The following ALPK3 variants were observed in gnomAD, a reference collection of about 807,000 sequenced individuals.
The protein encoded by ALPK3 is alpha kinase 3, also known as alpha-protein kinase 3.
ALPK3 carries 102 observed loss-of-function variants against 140.0 expected under a neutral mutation model. That is an observed-to-expected ratio of 0.73 (90% CI 0.62 to 0.86). The LOEUF (loss-of-function observed/expected upper bound fraction) is 0.86, where lower values mean the gene tolerates loss of function less well. Ranked by LOEUF, ALPK3 falls within the 40% of genes least tolerant of loss-of-function variation. ALPK3 has a pLI of 0.00. For synonymous variants in ALPK3, 938 were observed against 898.5 expected (o/e 1.04, Z -0.79); for missense variants, 2,254 against 2,208.2 (o/e 1.02, Z -0.42).
rs1596156206 is a variant in ALPK3 at position 84,858,415 on chromosome 15, T to A, written c.3677T>A (p.Val1226Glu). 1.3e-6 allele frequency: 2 copies of A among 1,558,122 alleles called. No homozygotes were observed. The change falls in exon 6 of 14, where the codon GTG becomes GAG. Residue 1226 changes from valine (V) to glutamate (E), a missense_variant. Physicochemically the swap from Val to Glu is moderately radical, Grantham distance 121. This residue lies in a region of ALPK3 where 2,088 missense variants were observed against 2,022.9 expected (regional missense o/e 1.03). Coordinates refer to ENST00000258888, the MANE Select transcript of ALPK3 (RefSeq NM_020778.5). The stretch of plus-strand genomic sequence containing the variant: ...GGCAGAAAGGCGAGCATGCTGGAGG[T>A]GCCTCGGGCAGAGGAGGAGCTGGCG... ...TQGRKASMLE[V>E]PRAEEELAAG...
chr15:84,861,810 T>C (rs960503578), intron 9 of ALPK3, among the ~76,000 whole-genome samples: 5 of 152,164 alleles, frequency 3.3e-5, no homozygotes, highest in Non-Finnish European at 7.3e-5. Flanking sequence ...CCGTTTTCCA[T>C]AGGTGACCAG....
intron 4 of ALPK3, among the ~76,000 whole-genome samples, 178 bp from the exon 5 acceptor site, chr15:84,839,524 C>T (rs1002027675): frequency 6.6e-6 from 1 of 152,140 alleles, no homozygotes; most frequent in Admixed American, 6.5e-5. Flanking sequence ...AGCCTCAGTT[C>T]CCTCAGCTGT....
intron 3 of ALPK3, among the ~76,000 whole-genome samples, chr15:84,834,612 AT>A (rs1346656323): frequency 2.0e-5 from 3 of 152,250 alleles, no homozygotes; most frequent in African/African-American, 7.2e-5. Flanking sequence ...ATTTCCATTC[AT>A]TATTCTTTTG....
chr15:84,839,188 A>C (rs1963628790), intron 4 of ALPK3, 91 bp downstream of exon 4: 1 of 1,099,086 alleles, frequency 9.1e-7, no homozygotes, highest in Non-Finnish European at 1.3e-6. Flanking sequence ...GTCTGGATGG[A>C]GATGCCCAGG....
At chr15:84,849,067 G>A (rs306209) in intron 5 of ALPK3, among the ~76,000 whole-genome samples, 30,223 of 151,900 alleles carry the variant, frequency 0.2, 3,808 homozygotes, top group Middle Eastern at 0.34. Flanking sequence ...ACTTGAACCC[G>A]GGAGGTGGAG....
intron 5 of ALPK3, among the ~76,000 whole-genome samples, chr15:84,847,209 GAGAGAGA>G: frequency 2.2e-4 from 1 of 4,500 alleles, no homozygotes; most frequent in Non-Finnish European, 5.6e-4. Context: ...GAGAAACGGG[GAGAGAGA>G]GAGAGAGAGA....
In ALPK3 at chr15:84,860,041, G is replaced by T; in HGVS notation, c.4098G>T (p.Leu1366Phe). 1 of 1,614,124 alleles carries T rather than the reference G, an allele frequency of 6.2e-7. No individual in the cohort carries two copies. Residue 1366 changes from leucine to phenylalanine, a missense_variant, in exon 9 of 14, where the codon TTG becomes TTT. By Grantham distance (22) the Leu-to-Phe change is conservative (BLOSUM62 0). Coordinates refer to ENST00000258888, the MANE Select transcript of ALPK3 (RefSeq NM_020778.5). ...TTCTTCTTTTTCTGTATCTAGTGTT[G>T]TCAGGATTCATCTCCAGAGAAGAAG... ...STDFCLSPEV[L>F]SGFISREEGE...
Position 84,827,550 on chromosome 15 carries a change from C to T in ALPK3, c.249C>T (p.Leu83=). Residue 83 remains leucine (L), a synonymous_variant, in exon 3 of 14, where the codon CTC becomes CTT. Coordinates refer to ENST00000258888, the MANE Select transcript of ALPK3 (RefSeq NM_020778.5). ...CCCAGCCGCTATTTGAGACCACGCTCAAGTCCCGGTCTGTGTCCGAGGACA... is the reference window on the plus strand; with the variant it reads ...CCCAGCCGCTATTTGAGACCACGCTTAAGTCCCGGTCTGTGTCCGAGGACA... The part of the protein sequence containing the change: ...EETQPLFETT[L]KSRSVSEDSD... 2 of 1,614,226 alleles carry T rather than the reference C, an allele frequency of 1.2e-6. No homozygotes were observed. The highest frequency in any genetic ancestry group is 1.7e-6 in the Non-Finnish European group (2 of 1,180,034).
At chr15:84,818,026 G>A (rs1963381897) in intron 1 of ALPK3, among the ~76,000 whole-genome samples, 4 of 152,184 alleles carry the variant, frequency 2.6e-5, no homozygotes, top group Admixed American at 2.0e-4. Flanking sequence ...GGGCTGCCCA[G>A]AGTAGGAGCT....
At chr15:84,848,349 A>G (rs939087914) in intron 5 of ALPK3, among the ~76,000 whole-genome samples, 1 of 152,190 alleles carries the variant, frequency 6.6e-6, no homozygotes, top group Non-Finnish European at 1.5e-5. Flanking sequence ...GACCTATATG[A>G]TGGTGAGATT....
In ALPK3 at chr15:84,817,537, G is replaced by A; in HGVS notation, c.85G>A (p.Val29Met). The A allele has an allele frequency of 1.3e-6, 2 of 1,500,226 alleles. No individual in the cohort carries two copies. The highest frequency in any genetic ancestry group is 2.1e-5 in the Admixed American group (1 of 47,980). 92.9% of individuals were successfully genotyped at this position (1,500,226 alleles called of 1,614,324 possible). A position where few individuals can be genotyped will look rare whatever the true frequency, so the allele number is the denominator to read the frequency against. The change falls in exon 1 of 14, where the codon GTG (valine) becomes ATG (methionine). Residue 29 changes from valine (V) to methionine (M), a missense_variant. Around this residue, in one of 3 missense-constraint regions of ALPK3, gnomAD observed 2,088 missense variants for 2,022.9 expected, o/e 1.03. Transcript: ENST00000258888. ...GGGCGACGGTGAGGACGACGGCCCC[G>A]TGTGGATCCCCAGCCCAGCCAGCCG... The part of the protein sequence containing the change: ...AGGDGEDDGP[V>M]WIPSPASRSY...
intron 10 of ALPK3, among the ~76,000 whole-genome samples, chr15:84,863,127 G>A (rs1963967819): frequency 1.3e-5 from 2 of 151,970 alleles, no homozygotes; most frequent in African/African-American, 4.8e-5. Flanking sequence ...AAAACGACTT[G>A]GGCCATAGTT....
chr15:84,840,690 AC>A lies in ALPK3; in HGVS notation c.1417del (p.Gln473SerfsTer30), dbSNP rs769139957. ...GAPGQPTHSL[T>X]PQPTRPFNRK... ...TCCTGGCCAGCCCACACACTCCTTG[AC>A]CCCCCAGCCGACTAGGCCTTTCAAC... On this transcript the variant is annotated frameshift_variant, in exon 5 of 14. Transcript: ENST00000258888. LOFTEE classifies it high-confidence loss of function. The A allele has an allele frequency of 6.2e-6, 10 of 1,606,618 alleles. No homozygotes were observed. Among genetic ancestry groups the A allele is most frequent in the East Asian group, 2.2e-5 (1 of 44,840 alleles).
chr15:84,828,304 G>A (rs1963511340), intron 3 of ALPK3, among the ~76,000 whole-genome samples: 3 of 152,204 alleles, frequency 2.0e-5, no homozygotes, highest in Admixed American at 2.0e-4. Context: ...CCGTTTGGCA[G>A]AATAGGAAGC....
intron 3 of ALPK3, among the ~76,000 whole-genome samples, chr15:84,836,848 G>A (rs563357625): frequency 2.0e-5 from 3 of 152,284 alleles, no homozygotes; most frequent in Admixed American, 6.5e-5. Flanking sequence ...AATGGAAAAT[G>A]GTTCTGGGGC....
chr15:84,856,465 T>C lies in ALPK3; in HGVS notation c.1727T>C (p.Val576Ala), dbSNP rs1963862068. Residue 576 changes from valine to alanine, a missense_variant, in exon 6 of 14, where the codon GTT becomes GCT. Coordinates refer to ENST00000258888, the MANE Select transcript of ALPK3 (RefSeq NM_020778.5). Reference sequence around the variant, plus strand: ...AGCTCTGATGTAGCCTCCATTGGGGTTAGCACTTCCGGAAGTCAAGGTATC... The same window carrying C: ...AGCTCTGATGTAGCCTCCATTGGGGCTAGCACTTCCGGAAGTCAAGGTATC... ...SSSSDVASIG[V>A]STSGSQGIIE... 1.2e-6 allele frequency: 2 copies of C among 1,614,034 alleles called. No homozygotes were observed.
chr15:84,836,732 G>A (rs1439198054), intron 3 of ALPK3, among the ~76,000 whole-genome samples: 1 of 152,238 alleles, frequency 6.6e-6, no homozygotes, highest in African/African-American at 2.4e-5. Flanking sequence ...AACGTCCAGG[G>A]TAGAAGACTG....
intron 5 of ALPK3, among the ~76,000 whole-genome samples, chr15:84,845,012 G>C (rs942879692): frequency 2.6e-5 from 4 of 152,188 alleles, no homozygotes; most frequent in African/African-American, 9.7e-5. Flanking sequence ...ACTGAATGCA[G>C]CCTAAAATTT....
chr15:84,858,600 A>G, intron 6 of ALPK3, 45 bp downstream of exon 6: 5 of 1,521,092 alleles, frequency 3.3e-6, no homozygotes, highest in East Asian at 4.5e-5. Context: ...GGACAGGGCC[A>G]CAGAAAGCAC....
Sources: allele counts gnomAD v4.1 joint callset (sites outside exome capture counted in the v4.1 genomes callset), GRCh38; gene constraint gnomAD v4.1.1; regional missense constraint gnomAD v4.1.1; transcripts MANE v1.5; gene names NCBI Gene and HGNC (gene_info 2026-07-23, HGNC 2026-07-21).